The following B3GALT1 variants were observed in gnomAD, a reference collection of about 807,000 sequenced individuals.
B3GALT1 encodes the protein UDP-Gal:betaGlcNAc beta 1,3-galactosyltransferase, polypeptide 1.
A neutral mutation model predicts 23.2 loss-of-function variants in B3GALT1; 10 were observed. The observed-to-expected ratio is 0.43, with a 90% CI of 0.27 to 0.73. B3GALT1 has a LOEUF of 0.73. Among genes scored for constraint, B3GALT1 ranks in the 30% least tolerant of loss-of-function variants. The pLI, the probability that B3GALT1 is intolerant of heterozygous loss-of-function variation, is 0.21. For missense variants in B3GALT1, 299 were observed against 405.4 expected, an observed-to-expected ratio of 0.74 and a Z score of 2.25; for synonymous variants, 156 against 141.5, an observed-to-expected ratio of 1.10 and a Z score of -0.73.
At chr2:167,702,702 A>G (rs917048643) in intron 3 of B3GALT1, among the ~76,000 whole-genome samples, 1 of 152,214 alleles carries the variant, frequency 6.6e-6, no homozygotes, top group African/African-American at 2.4e-5. Context: ...CCTGAAGTAC[A>G]TTATAATAAA....
At chr2:167,666,149 G>A (rs1686179880) in intron 3 of B3GALT1, among the ~76,000 whole-genome samples, 1 of 152,182 alleles carries the variant, frequency 6.6e-6, no homozygotes, top group Non-Finnish European at 1.5e-5. Flanking sequence ...GGTATGTAGT[G>A]TCTTTGTTCT....
intron 3 of B3GALT1, among the ~76,000 whole-genome samples, chr2:167,680,951 A>G (rs1686519115): frequency 6.6e-6 from 1 of 152,226 alleles, no homozygotes; most frequent in Non-Finnish European, 1.5e-5. Context: ...AATGTGTTCC[A>G]GTCATTTAAA....
rs116748770 is a variant in B3GALT1, at chr2:167,414,144, G to T, written c.-510-76033G>T. ...ATAAGGAAATGGAGACCCAGAGAAA[G>T]AAGTAAACCTGTGTATTTTTTATGC... On this transcript the variant is annotated intron_variant, in intron 1 of 4. Transcript: ENST00000392690. 1.0e-3 allele frequency among the ~76,000 whole-genome samples: 156 copies of T among 152,248 alleles called. 1 individual carries two copies. The highest frequency in any genetic ancestry group is 3.4e-3 in the African/African-American group (143 of 41,564).
At chr2:167,402,947 C>G (rs1211446696) in intron 1 of B3GALT1, among the ~76,000 whole-genome samples, 1 of 152,154 alleles carries the variant, frequency 6.6e-6, no homozygotes, top group Non-Finnish European at 1.5e-5. Flanking sequence ...TAGGAGGACA[C>G]TCCCATCCCC....
chr2:167,726,592 A>C (rs1410890485), intron 3 of B3GALT1, among the ~76,000 whole-genome samples: 1 of 152,222 alleles, frequency 6.6e-6, no homozygotes, highest in African/African-American at 2.4e-5. Flanking sequence ...TGCACAGGGC[A>C]CCAGATTAAA....
intron 1 of B3GALT1, among the ~76,000 whole-genome samples, chr2:167,464,685 C>T (rs941820825): frequency 1.3e-5 from 2 of 152,116 alleles, no homozygotes; most frequent in Non-Finnish European, 2.9e-5. Flanking sequence ...AGTTTCCTAA[C>T]CTCCACTTGC....
intron 3 of B3GALT1, among the ~76,000 whole-genome samples, chr2:167,767,958 T>G (rs1230668116): frequency 6.7e-6 from 1 of 150,056 alleles, no homozygotes; most frequent in Non-Finnish European, 1.5e-5. Flanking sequence ...TGGTGTAGAT[T>G]CTAGTCTGAG....
At chr2:167,628,845 A>G (rs1685390634) in intron 2 of B3GALT1, among the ~76,000 whole-genome samples, 1 of 151,694 alleles carries the variant, frequency 6.6e-6, no homozygotes, top group Non-Finnish European at 1.5e-5. Flanking sequence ...TATTCAATGG[A>G]GTGAGGTGGT....
At chr2:167,390,006 G>A (rs1235235767) in intron 1 of B3GALT1, among the ~76,000 whole-genome samples, 4 of 151,796 alleles carry the variant, frequency 2.6e-5, no homozygotes, top group Non-Finnish European at 5.9e-5. Flanking sequence ...AGAGGGACAT[G>A]AGCTGTATTA....
intron 2 of B3GALT1, among the ~76,000 whole-genome samples, chr2:167,552,978 T>A (rs1471116809): frequency 6.6e-6 from 1 of 152,182 alleles, no homozygotes; most frequent in Non-Finnish European, 1.5e-5. Context: ...TAATCAAGTC[T>A]TCAGTACTTG....
intron 2 of B3GALT1, among the ~76,000 whole-genome samples, chr2:167,599,664 G>A (rs1171925649): frequency 6.6e-6 from 1 of 152,162 alleles, no homozygotes; most frequent in South Asian, 2.1e-4. Context: ...TCAGTTTGTG[G>A]TAGAACATTT....
At chr2:167,602,115 T>C (rs1209703505) in intron 2 of B3GALT1, among the ~76,000 whole-genome samples, 2 of 152,172 alleles carry the variant, frequency 1.3e-5, no homozygotes, top group African/African-American at 2.4e-5. Flanking sequence ...GTATCTGCAA[T>C]TGAGACAGAA....
intron 3 of B3GALT1, among the ~76,000 whole-genome samples, chr2:167,739,032 T>C (rs79223734): frequency 6.6e-6 from 1 of 152,328 alleles, no homozygotes; most frequent in East Asian, 1.9e-4. Flanking sequence ...ATTTCAGTTT[T>C]ATGGTGGTCA....
At chr2:167,714,340 T>C (rs1438307051) in intron 3 of B3GALT1, 6 of 1,496,646 alleles carry the variant, frequency 4.0e-6, no homozygotes, top group Non-Finnish European at 5.6e-6. Context: ...CACAGCTTGG[T>C]TCTCCTCTTT....
At chr2:167,690,155 G>A (rs776957865) in intron 3 of B3GALT1, among the ~76,000 whole-genome samples, 7 of 151,798 alleles carry the variant, frequency 4.6e-5, no homozygotes, top group South Asian at 2.1e-4. Context: ...GATTTATTAC[G>A]AGAGAAAAAT....
chr2:167,371,939 AT>A (rs1369839326), intron 1 of B3GALT1, among the ~76,000 whole-genome samples: 1 of 151,670 alleles, frequency 6.6e-6, no homozygotes, highest in Non-Finnish European at 1.5e-5. Context: ...TATTTATAAT[AT>A]TTTTTTCAAA....
chr2:167,671,018 A>G (rs1353622516), intron 3 of B3GALT1, among the ~76,000 whole-genome samples: 3 of 152,162 alleles, frequency 2.0e-5, no homozygotes, highest in African/African-American at 4.8e-5. Flanking sequence ...ATGACACCCA[A>G]AAAGGAGCAG....
At chr2:167,380,050 C>T (rs943353844) in intron 1 of B3GALT1, among the ~76,000 whole-genome samples, 2 of 152,070 alleles carry the variant, frequency 1.3e-5, no homozygotes, top group African/African-American at 4.8e-5. Context: ...TAAAGTAAAG[C>T]GGGTCACACT....
chr2:167,410,560 A>G (rs1055081086), intron 1 of B3GALT1, among the ~76,000 whole-genome samples: 1 of 151,602 alleles, frequency 6.6e-6, no homozygotes, highest in African/African-American at 2.4e-5. Flanking sequence ...AGGGAGAGGA[A>G]TATCACACAC....
Sources: gnomAD v4.1 joint callset for allele counts (sites outside exome capture counted in the v4.1 genomes callset) on GRCh38, gnomAD v4.1.1 for gene constraint, MANE v1.5 for transcripts, NCBI Gene and HGNC (gene_info 2026-07-23, HGNC 2026-07-21) for gene names.